Variants in SULF1 observed in about 807,000 individuals in gnomAD.
SULF1 encodes sulfatase 1.
Under a neutral mutation model 110.5 loss-of-function variants are expected in SULF1, and 46 were observed. The ratio of observed to expected loss-of-function variants is 0.42; its 90% CI spans 0.33 to 0.53. SULF1 has a LOEUF of 0.53. Among genes scored for constraint, SULF1 ranks in the 20% least tolerant of loss-of-function variants. SULF1 has a pLI of 0.12. For synonymous variants in SULF1, 371 were observed against 387.1 expected (o/e 0.96, Z 0.49); for missense variants, 941 against 1,094.2 (o/e 0.86, Z 1.98).
chr8:69,492,762 TTGTC>T (rs1810013702), upstream of SULF1: 1 of 152,444 alleles, frequency 6.6e-6, no homozygotes. Flanking sequence ...TGCCTTTTGT[TTGTC>T]TGGCAGCGTT....
At chr8:69,591,943 C>T (rs1411916152) in intron 8 of SULF1, among the ~76,000 whole-genome samples, 1 of 152,188 alleles carries the variant, frequency 6.6e-6, no homozygotes, top group Non-Finnish European at 1.5e-5. Context: ...TAACTTTGCC[C>T]CAACCTCTGC....
intron 3 of SULF1, among the ~76,000 whole-genome samples, chr8:69,540,592 A>T (rs920195942): frequency 1.3e-5 from 2 of 152,218 alleles, no homozygotes; most frequent in Non-Finnish European, 2.9e-5. Flanking sequence ...TCTCCCTGCC[A>T]GGACAGAGAC....
At chr8:69,588,389 C>A (rs1258371485) in intron 7 of SULF1, among the ~76,000 whole-genome samples, 2 of 152,174 alleles carry the variant, frequency 1.3e-5, no homozygotes, top group Non-Finnish European at 2.9e-5. Context: ...TTTCCCTGTG[C>A]TCCTGGATTT....
In SULF1 at chr8:69,586,460, T is replaced by C. The variant is rs773549425; in HGVS notation, c.516T>C (p.Thr172=). The change falls in exon 7 of 23, where the codon ACT becomes ACC. Residue 172 remains threonine (T), a synonymous_variant. Transcript: ENST00000402687. The part of the protein sequence containing the change: ...LIKNSRFYNY[T]VCRNGIKEKH... ...AGAATTCTCGCTTCTATAATTACAC[T>C]GTTTGTCGCAATGGCATCAAAGAAA... 6.2e-7 allele frequency: 1 copy of C among 1,612,296 alleles called. No homozygotes were observed. Among genetic ancestry groups the C allele is most frequent in the South Asian group, 1.1e-5 (1 of 90,674 alleles).
At chr8:69,483,920 A>G (rs555343338) in intron 1 of SULF1, among the ~76,000 whole-genome samples, 1 of 152,388 alleles carries the variant, frequency 6.6e-6, no homozygotes, top group African/African-American at 2.4e-5. Flanking sequence ...CTTACCATGT[A>G]CAAGTAAGTG....
chr8:69,485,844 C>T (rs1380755091), intron 1 of SULF1, among the ~76,000 whole-genome samples: 2 of 152,134 alleles, frequency 1.3e-5, no homozygotes, highest in Non-Finnish European at 1.5e-5. Flanking sequence ...ATTTCTTGGA[C>T]CGTGTTCATT....
chr8:69,643,699 C>A (rs1434306413), intron 22 of SULF1, among the ~76,000 whole-genome samples: 1 of 151,954 alleles, frequency 6.6e-6, no homozygotes, highest in Admixed American at 6.6e-5. Context: ...TTTTCTCTTC[C>A]TTTTGCTGTT....
chr8:69,467,895 C>T (rs187891235), intron 1 of SULF1, among the ~76,000 whole-genome samples: 7 of 152,160 alleles, frequency 4.6e-5, no homozygotes, highest in African/African-American at 1.4e-4. Context: ...TGCGAGTAGC[C>T]GTAACGGCTC....
chr8:69,481,065 G>A (rs1809501054), intron 1 of SULF1, among the ~76,000 whole-genome samples: 1 of 151,996 alleles, frequency 6.6e-6, no homozygotes, highest in Non-Finnish European at 1.5e-5. Context: ...AAAAATAAAA[G>A]TTTTGTTTTT....
At chr8:69,494,794 C>T (rs372425097) in intron 1 of SULF1, among the ~76,000 whole-genome samples, 2 of 151,418 alleles carry the variant, frequency 1.3e-5, no homozygotes, top group East Asian at 3.9e-4. Flanking sequence ...GCAAGAGGAT[C>T]GCTTGAGCCT....
chr8:69,625,610 G>A lies in SULF1; in HGVS notation c.1850+1413G>A, dbSNP rs112221279. Among the ~76,000 whole-genome samples, 33 of 152,258 alleles carry A rather than the reference G, an allele frequency of 2.2e-4. 1 individual carries two copies. The highest frequency in any genetic ancestry group is 1.5e-3 in the South Asian group (7 of 4,820). ...AGTGTTACAGCTCTTAAGGCAGCGC[G>A]TCTGGAGTTGTTCGTTCCTCCCAGT... On this transcript the variant is annotated intron_variant, in intron 15 of 22. Transcript: ENST00000402687.
chr8:69,578,057 G>A (rs545533412), intron 6 of SULF1, among the ~76,000 whole-genome samples: 10 of 152,158 alleles, frequency 6.6e-5, no homozygotes, highest in Non-Finnish European at 1.3e-4. Context: ...GGGAAAGGTG[G>A]AATATTTAGA....
intron 3 of SULF1, among the ~76,000 whole-genome samples, chr8:69,561,010 T>C (rs1815445664): frequency 6.6e-6 from 1 of 152,186 alleles, no homozygotes; most frequent in African/African-American, 2.4e-5. Flanking sequence ...AGTTCCAAAG[T>C]TCTAGTGAGA....
At chr8:69,581,247 A>G (rs2067937) in intron 6 of SULF1, among the ~76,000 whole-genome samples, 2,891 of 152,346 alleles carry the variant, frequency 0.019, 39 homozygotes, top group Non-Finnish European at 0.026. Context: ...AAGTCTATCA[A>G]TTACGTGGAT....
At chr8:69,623,836 G>A in intron 14 of SULF1, 106 bp from the exon 15 acceptor site, 1 of 1,353,844 alleles carries the variant, frequency 7.4e-7, no homozygotes, top group Non-Finnish European at 1.0e-6. Flanking sequence ...AATGCAGCAT[G>A]GACTGCTTTC....
chr8:69,640,465 T>A (rs1207353301), intron 21 of SULF1, among the ~76,000 whole-genome samples: 1 of 152,226 alleles, frequency 6.6e-6, no homozygotes, highest in East Asian at 1.9e-4. Context: ...TTTTTTCCAA[T>A]GTTTTGTCTA....
intron 13 of SULF1, among the ~76,000 whole-genome samples, chr8:69,616,191 T>TAC (rs201512788): frequency 0.014 from 2,004 of 145,466 alleles, 76 homozygotes; most frequent in African/African-American, 0.049. Flanking sequence ...TAAATATATA[T>TAC]ACACATATAT....
rs1265854511 is a variant in SULF1 at position 69,660,911 on chromosome 8, T to G, written c.*2376T>G. On this transcript the variant is annotated 3_prime_UTR_variant, in exon 23 of 23. Coordinates refer to ENST00000402687, the MANE Select transcript of SULF1 (RefSeq NM_001128205.2). ...TCTTCAAATAAAAGGTGTTTAAACT[T>G]TTTTCTGTTTCAGAGAAATGAACTT... The G allele has an allele frequency of 1.3e-5, 2 of 152,648 alleles. No individual in the cohort carries two copies. Among genetic ancestry groups the G allele is most frequent in the Non-Finnish European group, 2.9e-5 (2 of 68,042 alleles). The allele number at this position is 152,648 out of a possible 1,614,324, so 9.5% of individuals were successfully genotyped here.
chr8:69,537,026 C>T (rs1813469628), intron 3 of SULF1, among the ~76,000 whole-genome samples: 1 of 152,180 alleles, frequency 6.6e-6, no homozygotes, highest in African/African-American at 2.4e-5. Flanking sequence ...GGGAATGAGT[C>T]CTACCTCCTC....
Sources: gnomAD v4.1 joint callset for allele counts (sites outside exome capture counted in the v4.1 genomes callset) on GRCh38, gnomAD v4.1.1 for gene constraint, MANE v1.5 for transcripts, NCBI Gene and HGNC (gene_info 2026-07-23, HGNC 2026-07-21) for gene names.